GGH: variants seen among roughly 807,000 people sequenced by gnomAD.
GGH encodes the protein gamma-Glu-X carboxypeptidase.
GGH carries 18 observed loss-of-function variants against 39.2 expected under a neutral mutation model. The observed-to-expected ratio is 0.46, with a 90% CI of 0.32 to 0.68. GGH has a LOEUF of 0.68. Ranked by LOEUF, GGH falls within the 30% of genes least tolerant of loss-of-function variation. GGH has a pLI of 0.04. For missense variants in GGH, 367 were observed against 384.1 expected, an observed-to-expected ratio of 0.96 and a Z score of 0.37; for synonymous variants, 147 against 138.8, an observed-to-expected ratio of 1.06 and a Z score of -0.42.
At chr8:63,016,743 C>T (rs1427325933) in intron 8 of GGH, among the ~76,000 whole-genome samples, 1 of 152,150 alleles carries the variant, frequency 6.6e-6, no homozygotes, top group Non-Finnish European at 1.5e-5. Flanking sequence ...ACCTATAATG[C>T]TCAACTAAGA....
At chr8:63,017,008 G>T (rs1804497443) in intron 8 of GGH, among the ~76,000 whole-genome samples, 1 of 152,090 alleles carries the variant, frequency 6.6e-6, no homozygotes, top group South Asian at 2.1e-4. Flanking sequence ...GAGAGTAATG[G>T]GGAAGAATCT....
At chr8:63,030,139 C>G in intron 3 of GGH, 28 bp downstream of exon 3, 1 of 1,033,272 alleles carries the variant, frequency 9.7e-7, no homozygotes, top group South Asian at 1.3e-5. Context: ...CACTCATATA[C>G]CGTATGAAAC....
rs2129657345 is a variant in GGH, at chr8:63,026,275, A to G, written c.382T>C (p.Phe128Leu). Residue 128 changes from phenylalanine (F) to leucine (L), a missense_variant, in exon 5 of 9, where the codon TTT becomes CTT. Phe to Leu is a conservative substitution (Grantham distance 22). Transcript: ENST00000260118. ...CCAAGGCATGTGCCCCACACAGGAA[A>G]ATAGTCTCCATCATCAAAACTCTTT... ...SIQSFDDGDY[F>L]PVWGTCLGFE... 1 of 1,605,562 alleles carries G rather than the reference A, an allele frequency of 6.2e-7. No individual in the cohort carries two copies. The highest frequency in any genetic ancestry group is 8.5e-7 in the Non-Finnish European group (1 of 1,176,558).
At chr8:63,038,522 T>G (rs1804953200) in intron 1 of GGH, 138 bp downstream of exon 1, 1 of 456,848 alleles carries the variant, frequency 2.2e-6, no homozygotes, top group East Asian at 3.4e-5. Flanking sequence ...CAGCCCGGGT[T>G]CCTCCTTGCA....
chr8:63,030,716 GCATTTCAAAGT>G (rs1800916336), intron 2 of GGH, among the ~76,000 whole-genome samples: 1 of 152,118 alleles, frequency 6.6e-6, no homozygotes, highest in Non-Finnish European at 1.5e-5. Context: ...GGACTACTCT[GCATTTCAAAGT>G]CAGGATGGTT....
chr8:63,035,046 A>G (rs1804877201), intron 2 of GGH, among the ~76,000 whole-genome samples: 1 of 150,200 alleles, frequency 6.7e-6, no homozygotes, highest in Non-Finnish European at 1.5e-5. Flanking sequence ...CAACCACTTT[A>G]GATTATTTTA....
At position 63,024,528 on chromosome 8, in the gene GGH, G is replaced by A. The variant is rs192550671; in HGVS notation, c.500-342C>T. 4.4e-5 allele frequency: 8 copies of A among 180,740 alleles called. No homozygotes were observed. The East Asian group carries it at 1.3e-3, about 28-fold the overall frequency. The allele number at this position is 180,740 out of a possible 1,614,324, so 11.2% of individuals were successfully genotyped here. A position where few individuals can be genotyped will look rare whatever the true frequency, so the allele number is the denominator to read the frequency against. On this transcript the variant is annotated intron_variant, in intron 5 of 8. Transcript: ENST00000260118. Reference sequence around the variant, plus strand: ...AAAACAGTTAAAACTTTCCATGGGTGTATGTATTTGCCCAGGAAAGTATCC... The same window carrying A: ...AAAACAGTTAAAACTTTCCATGGGTATATGTATTTGCCCAGGAAAGTATCC...
intron 1 of GGH, among the ~76,000 whole-genome samples, chr8:63,037,686 G>C (rs1449891603): frequency 6.6e-6 from 1 of 152,144 alleles, no homozygotes; most frequent in Non-Finnish European, 1.5e-5. Context: ...TTCTAGGAAA[G>C]GGGAAGAATC....
At chr8:63,018,205 A>G (rs536096406) in intron 7 of GGH, among the ~76,000 whole-genome samples, 3 of 152,320 alleles carry the variant, frequency 2.0e-5, no homozygotes, top group African/African-American at 7.2e-5. Context: ...GACAATTGTC[A>G]AAGCTGATAG....
intron 3 of GGH, among the ~76,000 whole-genome samples, chr8:63,028,702 A>G (rs1804746142): frequency 6.6e-6 from 1 of 152,182 alleles, no homozygotes; most frequent in Admixed American, 6.5e-5. Flanking sequence ...AATTAGTGGC[A>G]ATGCAGAAAA....
chr8:63,038,344 G>A (rs1191983311), intron 1 of GGH, among the ~76,000 whole-genome samples: 1 of 152,200 alleles, frequency 6.6e-6, no homozygotes, highest in African/African-American at 2.4e-5. Context: ...TGTGCGAAAA[G>A]GAAATGTTTT....
At chr8:63,024,277 TG>T (rs1258660882) in intron 5 of GGH, 91 bp from the exon 6 acceptor site, 1 of 695,454 alleles carries the variant, frequency 1.4e-6, no homozygotes, top group East Asian at 2.7e-5. Context: ...GAAGCCATTA[TG>T]AAGACATAAT....
At chr8:63,031,263 G>A (rs1276060107) in intron 2 of GGH, among the ~76,000 whole-genome samples, 1 of 152,152 alleles carries the variant, frequency 6.6e-6, no homozygotes, top group Admixed American at 6.5e-5. Flanking sequence ...GTCCAAACAA[G>A]CTTTGCAAGT....
intron 2 of GGH, among the ~76,000 whole-genome samples, chr8:63,034,096 A>G (rs1358307567): frequency 6.7e-6 from 1 of 149,628 alleles, no homozygotes; most frequent in Non-Finnish European, 1.5e-5. Flanking sequence ...ATCCCAGAAG[A>G]ACAGCTTGCA....
chr8:63,035,600 C>G (rs141799371), intron 2 of GGH, 56 bp downstream of exon 2: 3 of 1,568,390 alleles, frequency 1.9e-6, no homozygotes, highest in Middle Eastern at 1.7e-4. Flanking sequence ...GCACCGCACC[C>G]GTACGCAGCA....
intron 4 of GGH, among the ~76,000 whole-genome samples, chr8:63,026,788 T>C (rs1398214217): frequency 1.3e-5 from 2 of 151,850 alleles, no homozygotes; most frequent in African/African-American, 2.4e-5. Context: ...ATGGTAACTG[T>C]GAAGAAAGTT....
At chr8:63,020,788 A>C (rs1379576286) in intron 7 of GGH, among the ~76,000 whole-genome samples, 3 of 152,184 alleles carry the variant, frequency 2.0e-5, no homozygotes, top group African/African-American at 7.2e-5. Context: ...ATAAGCTCAT[A>C]AATCTAGACT....
intron 7 of GGH, among the ~76,000 whole-genome samples, chr8:63,021,805 C>G (rs949175863): frequency 2.0e-5 from 3 of 151,066 alleles, no homozygotes; most frequent in African/African-American, 7.3e-5. Flanking sequence ...TCCCAAGTAG[C>G]TGGGATTACA....
At chr8:63,024,829 C>T (rs1204475295) in intron 5 of GGH, 1 of 152,222 alleles carries the variant, frequency 6.6e-6, no homozygotes, top group East Asian at 1.9e-4. Flanking sequence ...ATGAAAACCA[C>T]AGCACCTTGA....
Sources: gnomAD v4.1 joint callset for allele counts (sites outside exome capture counted in the v4.1 genomes callset) on GRCh38, gnomAD v4.1.1 for gene constraint, MANE v1.5 for transcripts, NCBI Gene and HGNC (gene_info 2026-07-23, HGNC 2026-07-21) for gene names.